SAMD5: variants seen among roughly 807,000 people sequenced by gnomAD.
The protein encoded by SAMD5 is sterile alpha motif domain-containing protein 5.
SAMD5 carries 13 observed loss-of-function variants against 11.3 expected under a neutral mutation model. The observed-to-expected ratio is 1.15, with a 90% CI of 0.75 to 1.83. The LOEUF is 1.83. Among genes scored for constraint, SAMD5 ranks in the 40% most tolerant of loss-of-function variants. The pLI, the probability that SAMD5 is intolerant of heterozygous loss-of-function variation, is 0.00. For missense variants in SAMD5, 255 were observed against 239.1 expected (o/e 1.07, Z -0.44); for synonymous variants, 129 against 111.3 (o/e 1.16, Z -1.00).
At chr6:147,829,343 G>C in the SAMD5 span, among the ~76,000 whole-genome samples, 24 of 152,158 alleles carry the variant, frequency 1.6e-4, no homozygotes, top group African/African-American at 5.8e-4. Flanking sequence ...CCTGGATAGA[G>C]GGTTGTTCTA....
chr6:147,826,724 A>G, the SAMD5 span, among the ~76,000 whole-genome samples: 1 of 152,216 alleles, frequency 6.6e-6, no homozygotes, highest in African/African-American at 2.4e-5. Context: ...ATTTATAACT[A>G]AGGCCATGTG....
At chr6:147,652,065 G>A (rs766791611) in intron 1 of SAMD5, among the ~76,000 whole-genome samples, 34 of 152,280 alleles carry the variant, frequency 2.2e-4, no homozygotes, top group African/African-American at 6.3e-4. Context: ...TCAGAATAAC[G>A]TATCTTAATT....
At chr6:147,921,573 A>T in the SAMD5 span, among the ~76,000 whole-genome samples, 6 of 152,186 alleles carry the variant, frequency 3.9e-5, no homozygotes, top group African/African-American at 1.4e-4. Context: ...ATCATTTTCC[A>T]TTGAATGGAC....
At chr6:147,914,064 G>A in the SAMD5 span, among the ~76,000 whole-genome samples, 2 of 151,968 alleles carry the variant, frequency 1.3e-5, no homozygotes, top group East Asian at 1.9e-4. Context: ...TCCAACCTGC[G>A]ACCCACAGGC....
chr6:147,644,118 A>G (rs1790359402), intron 1 of SAMD5, among the ~76,000 whole-genome samples: 1 of 152,170 alleles, frequency 6.6e-6, no homozygotes, highest in Non-Finnish European at 1.5e-5. Flanking sequence ...TGAAATTATA[A>G]ACAATATTTC....
At chr6:147,701,736 A>G (rs1052691483) in intron 1 of SAMD5, among the ~76,000 whole-genome samples, 2 of 152,132 alleles carry the variant, frequency 1.3e-5, no homozygotes, top group African/African-American at 2.4e-5. Flanking sequence ...ACTTGCCACA[A>G]TTGTATATTT....
At chr6:147,670,798 C>T (rs114155465) in intron 1 of SAMD5, among the ~76,000 whole-genome samples, 1,854 of 152,284 alleles carry the variant, frequency 0.012, 43 homozygotes, top group African/African-American at 0.043. Flanking sequence ...TAAGTTTCTC[C>T]ATATCAGCAA....
At chr6:147,941,514 C>T in the SAMD5 span, among the ~76,000 whole-genome samples, 4 of 152,028 alleles carry the variant, frequency 2.6e-5, no homozygotes. Context: ...AGTTTATAGC[C>T]GAAGCACTGT....
the SAMD5 span, among the ~76,000 whole-genome samples, chr6:147,909,841 C>T: frequency 2.6e-5 from 4 of 152,000 alleles, no homozygotes; most frequent in Non-Finnish European, 5.9e-5. Flanking sequence ...TGAGCTGAAT[C>T]ACAGGCCTCC....
intron 1 of SAMD5, among the ~76,000 whole-genome samples, chr6:147,637,953 CAT>C (rs1445578645): frequency 1.3e-5 from 2 of 151,576 alleles, no homozygotes; most frequent in African/African-American, 2.4e-5. Context: ...AAATTCCTCA[CAT>C]GACAGTTTTG....
At chr6:147,797,954 CTCTT>C in the SAMD5 span, among the ~76,000 whole-genome samples, 1 of 151,200 alleles carries the variant, frequency 6.6e-6, no homozygotes, top group East Asian at 1.9e-4. Flanking sequence ...TGATTCTTCT[CTCTT>C]TTTTTCTTTA....
At chr6:147,580,310 AC>A (rs1302715163) in intron 1 of SAMD5, among the ~76,000 whole-genome samples, 5 of 152,330 alleles carry the variant, frequency 3.3e-5, no homozygotes, top group East Asian at 3.9e-4. Flanking sequence ...GTCAGGGACA[AC>A]CTTTTCCTAA....
At chr6:147,929,073 G>C in the SAMD5 span, among the ~76,000 whole-genome samples, 1 of 151,700 alleles carries the variant, frequency 6.6e-6, no homozygotes, top group Non-Finnish European at 1.5e-5. Flanking sequence ...TGTTTTTCAT[G>C]GTAGTCTTTT....
the SAMD5 span, among the ~76,000 whole-genome samples, chr6:147,824,149 C>G: frequency 3.9e-5 from 6 of 152,166 alleles, no homozygotes; most frequent in Admixed American, 3.9e-4. Context: ...TTTAGCAACT[C>G]GGAGTAGTCT....
intron 1 of SAMD5, among the ~76,000 whole-genome samples, chr6:147,621,620 C>T (rs1789969619): frequency 2.6e-5 from 4 of 152,214 alleles, no homozygotes; most frequent in African/African-American, 9.6e-5. Context: ...AGACATATGA[C>T]CCAGGTCAGG....
intron 1 of SAMD5, among the ~76,000 whole-genome samples, chr6:147,736,044 A>G (rs930358041): frequency 6.6e-6 from 1 of 152,172 alleles, no homozygotes; most frequent in Admixed American, 6.5e-5. Flanking sequence ...TTAAGGTCCT[A>G]CCATAATACT....
At chr6:147,835,822 T>G in the SAMD5 span, among the ~76,000 whole-genome samples, 1 of 152,132 alleles carries the variant, frequency 6.6e-6, no homozygotes, top group Non-Finnish European at 1.5e-5. Flanking sequence ...CACCTCCTTG[T>G]CTCCAGCTCT....
the SAMD5 span, among the ~76,000 whole-genome samples, chr6:147,758,977 A>G: frequency 6.6e-6 from 1 of 152,212 alleles, no homozygotes; most frequent in Non-Finnish European, 1.5e-5. Flanking sequence ...CACAAAAACC[A>G]AAAAACAAAA....
the SAMD5 span, among the ~76,000 whole-genome samples, chr6:147,803,964 T>C: frequency 6.6e-6 from 1 of 152,142 alleles, no homozygotes. Context: ...TTGCAGACTC[T>C]CCATTGTTCA....
Sources: gnomAD v4.1 joint callset for allele counts (sites outside exome capture counted in the v4.1 genomes callset) on GRCh38, gnomAD v4.1.1 for gene constraint, MANE v1.5 for transcripts, NCBI Gene and HGNC (gene_info 2026-07-23, HGNC 2026-07-21) for gene names.